The following FBXW11 variants were observed in gnomAD, a reference collection of about 807,000 sequenced individuals.
The protein encoded by FBXW11 is F-box/WD repeat-containing protein 11.
In FBXW11, 19 loss-of-function variants were observed where a neutral mutation model predicts 77.6. The ratio of observed to expected loss-of-function variants is 0.24; its 90% CI spans 0.17 to 0.36. The LOEUF is 0.36. FBXW11 is among the 10% of genes least tolerant of loss of function. FBXW11 has a pLI of 1.00. For synonymous variants in FBXW11, 235 were observed against 249.4 expected, an observed-to-expected ratio of 0.94 and a Z score of 0.54; for missense variants, 334 against 704.2, an observed-to-expected ratio of 0.47 and a Z score of 5.95.
intron 9 of FBXW11, among the ~76,000 whole-genome samples, chr5:171,875,774 C>G (rs1411872229): frequency 6.6e-6 from 1 of 152,172 alleles, no homozygotes; most frequent in East Asian, 1.9e-4. Flanking sequence ...TTCTTGAAGG[C>G]AAGGACATGT....
intron 4 of FBXW11, among the ~76,000 whole-genome samples, chr5:171,905,503 A>G (rs1164598789): frequency 2.0e-5 from 3 of 152,156 alleles, no homozygotes; most frequent in South Asian, 2.1e-4. Context: ...CTCTCAGCAG[A>G]TATCAATGGA....
chr5:171,929,765 T>C (rs1415042318), intron 2 of FBXW11, among the ~76,000 whole-genome samples: 1 of 152,096 alleles, frequency 6.6e-6, no homozygotes, highest in Admixed American at 6.5e-5. Flanking sequence ...GGCAGGAGAA[T>C]GGCATGAACC....
chr5:171,996,451 G>A (rs951148507), intron 1 of FBXW11, among the ~76,000 whole-genome samples: 1 of 152,112 alleles, frequency 6.6e-6, no homozygotes, highest in Non-Finnish European at 1.5e-5. Context: ...CAAATCATTC[G>A]AGCCCAGGAG....
intron 1 of FBXW11, among the ~76,000 whole-genome samples, chr5:171,959,111 T>C (rs550220543): frequency 1.2e-4 from 18 of 151,494 alleles, no homozygotes; most frequent in African/African-American, 4.4e-4. Context: ...TGAGATTACT[T>C]AGAAAAGGCA....
chr5:172,000,164 A>G (rs891422115), intron 1 of FBXW11, among the ~76,000 whole-genome samples: 8 of 152,250 alleles, frequency 5.3e-5, no homozygotes, highest in Non-Finnish European at 1.0e-4. Context: ...TCAATGAACA[A>G]TACAACTCAG....
intron 4 of FBXW11, among the ~76,000 whole-genome samples, chr5:171,905,601 T>A (rs702111): frequency 9.7e-6 from 1 of 102,716 alleles, no homozygotes; most frequent in Non-Finnish European, 2.1e-5. Context: ...CCCCCCCCCT[T>A]TATTTTCTTG....
intron 2 of FBXW11, among the ~76,000 whole-genome samples, chr5:171,925,779 G>T (rs1345132699): frequency 6.6e-6 from 1 of 152,222 alleles, no homozygotes; most frequent in East Asian, 1.9e-4. Context: ...AGTGATTACA[G>T]TTCCCTTTTC....
intron 7 of FBXW11, among the ~76,000 whole-genome samples, chr5:171,883,507 C>G (rs1427030700): frequency 6.6e-6 from 1 of 152,090 alleles, no homozygotes; most frequent in Non-Finnish European, 1.5e-5. Flanking sequence ...AGCACATGTA[C>G]CCTAAAACTT....
intron 2 of FBXW11, among the ~76,000 whole-genome samples, chr5:171,915,672 C>G (rs1761184033): frequency 8.1e-6 from 1 of 123,720 alleles, no homozygotes; most frequent in South Asian, 2.9e-4. Context: ...AGTTCTTTTA[C>G]CATGGGAACA....
At chr5:171,940,572 A>C (rs1427206547) in intron 2 of FBXW11, among the ~76,000 whole-genome samples, 1 of 152,162 alleles carries the variant, frequency 6.6e-6, no homozygotes, top group African/African-American at 2.4e-5. Context: ...GGAAGTACTT[A>C]AACAATTATG....
chr5:171,890,350 C>A (rs1248733891), intron 7 of FBXW11, among the ~76,000 whole-genome samples: 2 of 152,020 alleles, frequency 1.3e-5, no homozygotes, highest in Admixed American at 1.3e-4. Context: ...CGGCAAAACA[C>A]CATCTCTACT....
At chr5:171,874,217 C>G (rs1396026351) in intron 9 of FBXW11, among the ~76,000 whole-genome samples, 2 of 152,126 alleles carry the variant, frequency 1.3e-5, no homozygotes, top group African/African-American at 4.8e-5. Context: ...TTTAAATAGA[C>G]ATTTCTCCAG....
At chr5:171,950,135 C>T (rs1015861786) in intron 2 of FBXW11, among the ~76,000 whole-genome samples, 1 of 152,032 alleles carries the variant, frequency 6.6e-6, no homozygotes, top group Non-Finnish European at 1.5e-5. Flanking sequence ...AATCTTAATT[C>T]ATCATGTTAC....
intron 2 of FBXW11, among the ~76,000 whole-genome samples, chr5:171,940,361 A>G (rs1301905615): frequency 6.6e-6 from 1 of 152,228 alleles, no homozygotes; most frequent in East Asian, 1.9e-4. Flanking sequence ...TAGACAAAAA[A>G]TTATACATAC....
rs551745521 is a variant in FBXW11 at position 171,988,863 on chromosome 5, T to C, written c.45+17595A>G. ...CCACCTCAATAAATAAATAAATATA[T>C]ACATACACACATACATTCATACTAC... On this transcript the variant is annotated intron_variant, in intron 1 of 13. Coordinates refer to ENST00000517395, the MANE Select transcript of FBXW11 (RefSeq NM_001378974.1). Among the ~76,000 whole-genome samples, 3 of 146,628 alleles carry C rather than the reference T, an allele frequency of 2.0e-5. No homozygotes were observed. The South Asian group carries it at 6.5e-4, about 32-fold the overall frequency.
intron 2 of FBXW11, among the ~76,000 whole-genome samples, chr5:171,940,664 C>T (rs766676281): frequency 3.9e-5 from 6 of 152,004 alleles, no homozygotes; most frequent in Admixed American, 6.6e-5. Flanking sequence ...CCAAGGCAGG[C>T]GAATCAAGAG....
At chr5:171,964,472 CCATT>C (rs1170477374) in intron 1 of FBXW11, among the ~76,000 whole-genome samples, 12 of 152,308 alleles carry the variant, frequency 7.9e-5, no homozygotes, top group Admixed American at 5.9e-4. Flanking sequence ...GCTAGAGTCC[CCATT>C]CAGTTTCTGC....
rs1027842873 is a variant in FBXW11 at position 171,872,783 on chromosome 5, C to A, written c.1340+89G>T. On this transcript the variant is annotated intron_variant, in intron 10 of 13. Coordinates refer to ENST00000517395, the MANE Select transcript of FBXW11 (RefSeq NM_001378974.1). The stretch of plus-strand genomic sequence containing the variant: ...TCTTATCTGAAACATCCCATTTACC[C>A]TGAGTTGTTTTGAGCATTAGAACTA... The A allele has an allele frequency of 6.0e-5, 54 of 907,546 alleles. 1 individual carries two copies. The Admixed American group carries it at 1.0e-3, about 17-fold the overall frequency. 56.2% of individuals were successfully genotyped at this position (907,546 alleles called of 1,614,324 possible). A position where few individuals can be genotyped will look rare whatever the true frequency, so the allele number is the denominator to read the frequency against.
intron 6 of FBXW11, among the ~76,000 whole-genome samples, chr5:171,894,181 G>A (rs929473670): frequency 2.6e-5 from 4 of 152,102 alleles, no homozygotes; most frequent in African/African-American, 9.7e-5. Context: ...TGAGATGTCT[G>A]GACAGAGGAC....
Sources: gnomAD v4.1 joint callset for allele counts (sites outside exome capture counted in the v4.1 genomes callset) on GRCh38, gnomAD v4.1.1 for gene constraint, MANE v1.5 for transcripts, NCBI Gene and HGNC (gene_info 2026-07-23, HGNC 2026-07-21) for gene names.